Variants in B4GALNT2 observed in about 807,000 individuals in gnomAD.
B4GALNT2 encodes N-acetylneuraminylgalactosylglucosyl-glucoside beta-1,4-N- acetylgalactosaminyltransferase 2.
Under a neutral mutation model 51.1 loss-of-function variants are expected in B4GALNT2, and 42 were observed. The observed-to-expected ratio is 0.82, with a 90% CI of 0.64 to 1.06. The LOEUF is 1.06. Among genes scored for constraint, B4GALNT2 ranks in the 50% least tolerant of loss-of-function variants. The probability of loss-of-function intolerance (pLI) is 0.00; values close to 1 mark genes in which losing one functional copy is unlikely to be tolerated. For missense variants in B4GALNT2, 602 were observed against 633.6 expected (o/e 0.95, Z 0.54); for synonymous variants, 253 against 251.7 (o/e 1.01, Z -0.05).
chr17:49,148,702 C>A (rs1307103042), intron 3 of B4GALNT2: 2 of 564,100 alleles, frequency 3.5e-6, no homozygotes, highest in South Asian at 2.3e-5. Flanking sequence ...TTCTTGTCTG[C>A]CAGCTCCAGG....
At chr17:49,140,045 AAATAT>A (rs778069894) in intron 1 of B4GALNT2, among the ~76,000 whole-genome samples, 11 of 149,258 alleles carry the variant, frequency 7.4e-5, no homozygotes, top group East Asian at 1.9e-4. Flanking sequence ...ATTAATTTAT[AAATAT>A]AATATAATAT....
At chr17:49,155,581 G>A (rs940711873) in intron 4 of B4GALNT2, among the ~76,000 whole-genome samples, 1 of 148,904 alleles carries the variant, frequency 6.7e-6, no homozygotes, top group African/African-American at 2.5e-5. Flanking sequence ...CAGCCTGAGC[G>A]ACAGAGTGAG....
At chr17:49,160,221 T>C (rs1242751481) in intron 6 of B4GALNT2, among the ~76,000 whole-genome samples, 1 of 152,196 alleles carries the variant, frequency 6.6e-6, no homozygotes, top group Non-Finnish European at 1.5e-5. Flanking sequence ...ATAGGGTGGG[T>C]ATTTTTATCC....
chr17:49,138,896 A>G (rs1347587474), intron 1 of B4GALNT2, among the ~76,000 whole-genome samples: 1 of 152,162 alleles, frequency 6.6e-6, no homozygotes, highest in African/African-American at 2.4e-5. Context: ...AAAACAAACA[A>G]CAACAAAAGA....
intron 3 of B4GALNT2, among the ~76,000 whole-genome samples, chr17:49,144,391 G>C (rs1418209003): frequency 6.6e-6 from 1 of 152,190 alleles, no homozygotes; most frequent in Non-Finnish European, 1.5e-5. Context: ...TCCATCAGGA[G>C]GTGTTGAAAG....
upstream of B4GALNT2, among the ~76,000 whole-genome samples, chr17:49,130,523 A>G (rs2042531817): frequency 2.0e-5 from 3 of 152,288 alleles, no homozygotes; most frequent in South Asian, 6.2e-4. Context: ...CTATAATCCC[A>G]GCTACTTAGG....
Position 49,165,223 on chromosome 17 carries a change from T to G in B4GALNT2, c.955-891T>G, listed in dbSNP as rs546027161. On this transcript the variant is annotated intron_variant, in intron 8 of 10. Transcript: ENST00000393354. The stretch of plus-strand genomic sequence containing the variant: ...CATGTAGAGAAATCTGTCATCTCCA[T>G]GATTCTACCAGAGCTAGGGTCTTGG... Among the ~76,000 whole-genome samples, 159 of 152,040 alleles carry G rather than the reference T, an allele frequency of 1.0e-3. 2 individuals carry two copies. The highest frequency in any genetic ancestry group is 3.7e-3 in the African/African-American group (152 of 41,454).
chr17:49,159,667 C>T (rs1346519628), intron 6 of B4GALNT2, among the ~76,000 whole-genome samples: 1 of 152,102 alleles, frequency 6.6e-6, no homozygotes, highest in Non-Finnish European at 1.5e-5. Flanking sequence ...GATTCCTTCC[C>T]TCTTTCCTCT....
chr17:49,159,337 T>TG, intron 6 of B4GALNT2, 120 bp downstream of exon 6: 1 of 1,055,286 alleles, frequency 9.5e-7, no homozygotes, highest in Non-Finnish European at 1.4e-6. Flanking sequence ...TGTGTTTGTT[T>TG]GTTTTGTTTT....
intron 8 of B4GALNT2, 43 bp from the exon 9 acceptor site, chr17:49,166,071 T>C (rs2042908171): frequency 1.9e-6 from 3 of 1,593,378 alleles, no homozygotes; most frequent in Non-Finnish European, 2.6e-6. Flanking sequence ...GATTCTAATA[T>C]GTAATATGGG....
chr17:49,138,519 C>A (rs572376218), intron 1 of B4GALNT2, among the ~76,000 whole-genome samples: 1 of 152,140 alleles, frequency 6.6e-6, no homozygotes, highest in Non-Finnish European at 1.5e-5. Flanking sequence ...CTGTCATAAC[C>A]GAGAAAGCAG....
the B4GALNT2 span, among the ~76,000 whole-genome samples, chr17:49,124,404 T>C: frequency 6.6e-6 from 1 of 152,230 alleles, no homozygotes; most frequent in African/African-American, 2.4e-5. Flanking sequence ...CAATTGTTTA[T>C]GGATGACAAA....
chr17:49,175,975 G>A lies in B4GALNT2; in HGVS notation c.*6247G>A, dbSNP rs1290904935. The stretch of plus-strand genomic sequence containing the variant: ...GCTGTGTCATCTCTTCTGTTACTTT[G>A]TTATACTTTCCTTCCTTCTCATCAT... On this transcript the variant is annotated 3_prime_UTR_variant, in exon 11 of 11. Transcript: ENST00000393354. 6.6e-6 allele frequency: 1 copy of A among 152,176 alleles called. No homozygotes were observed. The highest frequency in any genetic ancestry group is 2.4e-5 in the African/African-American group (1 of 41,422). The allele number at this position is 152,176 out of a possible 1,614,324, so 9.4% of individuals were successfully genotyped here.
chr17:49,164,150 A>G lies in B4GALNT2; in HGVS notation c.829A>G (p.Met277Val). Residue 277 changes from methionine (M) to valine (V), a missense_variant, in exon 8 of 11, where the codon ATG (methionine) becomes GTG (valine). Physicochemically the swap from Met to Val is conservative, Grantham distance 21 (BLOSUM62 1). Coordinates refer to ENST00000393354, the MANE Select transcript of B4GALNT2 (RefSeq NM_001159387.2). ...TKTFLRPHKL[M>V]IMLRSIREYY... is the part of the protein sequence containing the mutation. ...GACTTTCCTCCGCCCCCACAAGCTC[A>G]TGATCATGCTCCGGAGTATTCGAGA... 6.2e-7 allele frequency: 1 copy of G among 1,613,112 alleles called. No homozygotes were observed. The highest frequency in any genetic ancestry group is 1.7e-5 in the Admixed American group (1 of 60,020).
intron 3 of B4GALNT2, among the ~76,000 whole-genome samples, chr17:49,150,523 C>G (rs12451536): frequency 1.3e-5 from 2 of 151,732 alleles, no homozygotes; most frequent in Non-Finnish European, 1.5e-5. Flanking sequence ...GGATGGTTGC[C>G]GTGTCTGTGT....
intron 3 of B4GALNT2, among the ~76,000 whole-genome samples, chr17:49,144,470 A>C (rs1398759298): frequency 6.6e-6 from 1 of 152,204 alleles, no homozygotes; most frequent in Admixed American, 6.5e-5. Flanking sequence ...TAGCTATGTG[A>C]GGAGCAACTG....
chr17:49,123,599 C>T, the B4GALNT2 span, among the ~76,000 whole-genome samples: 1 of 152,170 alleles, frequency 6.6e-6, no homozygotes, highest in East Asian at 1.9e-4. Flanking sequence ...TTATTTGTTA[C>T]ATAGGCCTTT....
chr17:49,142,507 T>C, intron 3 of B4GALNT2, among the ~76,000 whole-genome samples: 1 of 150,720 alleles, frequency 6.6e-6, no homozygotes, highest in East Asian at 2.0e-4. Context: ...TTGGGCAATA[T>C]AGTGAGACCC....
At chr17:49,140,125 G>A (rs2042628356) in intron 1 of B4GALNT2, among the ~76,000 whole-genome samples, 1 of 149,564 alleles carries the variant, frequency 6.7e-6, no homozygotes, top group Non-Finnish European at 1.5e-5. Flanking sequence ...TTTTGAGACA[G>A]AATCTCTCTC....
Sources: gnomAD v4.1 joint callset for allele counts (sites outside exome capture counted in the v4.1 genomes callset) on GRCh38, gnomAD v4.1.1 for gene constraint, MANE v1.5 for transcripts, NCBI Gene and HGNC (gene_info 2026-07-23, HGNC 2026-07-21) for gene names.